The following LRRC7 variants were observed in gnomAD, a reference collection of about 807,000 sequenced individuals.
LRRC7 encodes the protein leucine rich repeat containing 7.
LRRC7 carries 23 observed loss-of-function variants against 175.7 expected under a neutral mutation model. The ratio of observed to expected loss-of-function variants is 0.13; its 90% CI spans 0.09 to 0.19. The LOEUF (loss-of-function observed/expected upper bound fraction) is 0.19. Ranked by LOEUF, LRRC7 falls within the 10% of genes least tolerant of loss-of-function variation. The pLI is 1.00. For missense variants in LRRC7, 1,354 were observed against 1,904.7 expected, an observed-to-expected ratio of 0.71 and a Z score of 5.38; for synonymous variants, 685 against 680.9, an observed-to-expected ratio of 1.01 and a Z score of -0.09.
At chr1:69,717,821 AGAAAG>A (rs1557640995) in intron 2 of LRRC7, among the ~76,000 whole-genome samples, 1 of 53,678 alleles carries the variant, frequency 1.9e-5, no homozygotes. Flanking sequence ...AAAGAAAGAA[AGAAAG>A]AAAGAAAGAA....
At chr1:69,608,436 A>C (rs1475581326) in intron 1 of LRRC7, 1 of 151,952 alleles carries the variant, frequency 6.6e-6, no homozygotes, top group Non-Finnish European at 1.5e-5. Flanking sequence ...GGGTATTTAG[A>C]ATTGTCTGCT....
chr1:69,916,076 AAT>A (rs373203657), intron 7 of LRRC7, among the ~76,000 whole-genome samples: 110 of 2,958 alleles, frequency 0.037, 2 homozygotes, highest in African/African-American at 0.08. Context: ...TTATATATAT[AAT>A]ATATATATTA....
chr1:69,697,983 A>G (rs947591781), intron 2 of LRRC7, among the ~76,000 whole-genome samples: 7 of 152,202 alleles, frequency 4.6e-5, no homozygotes, highest in Non-Finnish European at 1.0e-4. Context: ...TGAGCTTTGC[A>G]TCTGTGCTCA....
intron 1 of LRRC7, among the ~76,000 whole-genome samples, chr1:69,645,113 A>G (rs1654819528): frequency 6.6e-6 from 1 of 152,046 alleles, no homozygotes. Flanking sequence ...AGGTCTAGCC[A>G]TGGTAGTACA....
intron 2 of LRRC7, among the ~76,000 whole-genome samples, chr1:69,732,942 C>T (rs1227842432): frequency 6.6e-6 from 1 of 151,960 alleles, no homozygotes; most frequent in Non-Finnish European, 1.5e-5. Context: ...GATCCAGAGG[C>T]TCTGTGCCAG....
chr1:69,600,791 C>A (rs1410773319), intron 1 of LRRC7, among the ~76,000 whole-genome samples: 1 of 71,868 alleles, frequency 1.4e-5, no homozygotes. Flanking sequence ...CTCCAAGGAT[C>A]TCTGGTTTCT....
chr1:70,002,021 A>G (rs941143984), intron 11 of LRRC7, among the ~76,000 whole-genome samples: 6 of 152,134 alleles, frequency 3.9e-5, no homozygotes, highest in African/African-American at 1.4e-4. Flanking sequence ...TATATATGTG[A>G]TAGTTGTAAA....
intron 9 of LRRC7, among the ~76,000 whole-genome samples, chr1:69,982,730 TA>T (rs1371644378): frequency 6.6e-6 from 1 of 152,206 alleles, no homozygotes; most frequent in Non-Finnish European, 1.5e-5. Context: ...ACATTTATTT[TA>T]AACAAACTCC....
rs113390927 is a variant in LRRC7, at chr1:69,969,331, A to G, written c.712-11048A>G. ...TCTAAATGCTCCACTTAAAAGATAC[A>G]TAATTGTAGAATGGATAAGAATTCA... is the stretch of plus-strand genomic sequence containing the variant. On this transcript the variant is annotated intron_variant, in intron 8 of 26. Coordinates refer to ENST00000651989, the MANE Select transcript of LRRC7 (RefSeq NM_001370785.2). Among the ~76,000 whole-genome samples the G allele has an allele frequency of 1.4e-4, 22 of 152,350 alleles. 1 individual carries two copies. Among genetic ancestry groups the G allele is most frequent in the African/African-American group, 4.6e-4 (19 of 41,592 alleles).
intron 5 of LRRC7, among the ~76,000 whole-genome samples, chr1:69,834,143 G>T (rs1158304441): frequency 6.6e-6 from 1 of 151,602 alleles, no homozygotes; most frequent in Admixed American, 6.6e-5. Flanking sequence ...TTAATTTTTT[G>T]ATGCAGTTTA....
chr1:70,082,112 A>G (rs1013283120), intron 24 of LRRC7, among the ~76,000 whole-genome samples: 1 of 152,208 alleles, frequency 6.6e-6, no homozygotes, highest in Admixed American at 6.5e-5. Context: ...GCTCTGGTCA[A>G]CTGCCCAAAG....
intron 1 of LRRC7, among the ~76,000 whole-genome samples, chr1:69,605,857 A>G (rs1647466253): frequency 6.6e-6 from 1 of 152,114 alleles, no homozygotes; most frequent in African/African-American, 2.4e-5. Flanking sequence ...TGACTAGATT[A>G]TAGGGTTATT....
At chr1:70,112,136 T>C (rs1665565928) in intron 26 of LRRC7, among the ~76,000 whole-genome samples, 1 of 152,182 alleles carries the variant, frequency 6.6e-6, no homozygotes, top group Non-Finnish European at 1.5e-5. Context: ...AGAAAGAACC[T>C]TGGCCCAACA....
chr1:69,806,996 T>G (rs1007489203), intron 4 of LRRC7, among the ~76,000 whole-genome samples: 2 of 152,118 alleles, frequency 1.3e-5, no homozygotes, highest in African/African-American at 2.4e-5. Flanking sequence ...TGGGTGCATA[T>G]GTATTTAGGA....
At chr1:69,870,383 C>A (rs1238427426) in intron 7 of LRRC7, among the ~76,000 whole-genome samples, 2 of 151,824 alleles carry the variant, frequency 1.3e-5, no homozygotes, top group African/African-American at 2.4e-5. Flanking sequence ...CAAACCAGGT[C>A]CTTCATAGAA....
At chr1:69,635,177 G>A (rs1389712863) in intron 1 of LRRC7, among the ~76,000 whole-genome samples, 2 of 152,024 alleles carry the variant, frequency 1.3e-5, no homozygotes, top group Admixed American at 6.6e-5. Context: ...AACATGCAGT[G>A]TTTGGTTTTC....
chr1:70,053,326 G>T (rs1660887957), intron 23 of LRRC7, among the ~76,000 whole-genome samples, 181 bp downstream of exon 23: 1 of 152,134 alleles, frequency 6.6e-6, no homozygotes, highest in African/African-American at 2.4e-5. Flanking sequence ...AATAAACACT[G>T]CCAACTGTTC....
chr1:69,612,744 G>A (rs1037489483), intron 1 of LRRC7, among the ~76,000 whole-genome samples: 8 of 151,912 alleles, frequency 5.3e-5, no homozygotes, highest in East Asian at 3.9e-4. Flanking sequence ...TTTTGTAACC[G>A]TAACTGAAAC....
chr1:69,716,711 G>A lies in LRRC7; in HGVS notation c.100+38233G>A, dbSNP rs546296186. ...ATCAAATGAAATCCAGGCACAAAGC[G>A]GGAGCTTTGCATTTATCAGTATTTC... On this transcript the variant is annotated intron_variant, in intron 2 of 26. Coordinates refer to ENST00000651989, the MANE Select transcript of LRRC7 (RefSeq NM_001370785.2). 3.3e-5 allele frequency among the ~76,000 whole-genome samples: 5 copies of A among 151,840 alleles called. No individual in the cohort carries two copies. The East Asian group carries it at 5.8e-4, about 18-fold the overall frequency.
Sources: allele counts gnomAD v4.1 joint callset (sites outside exome capture counted in the v4.1 genomes callset), GRCh38; gene constraint gnomAD v4.1.1; transcripts MANE v1.5; gene names NCBI Gene and HGNC (gene_info 2026-07-23, HGNC 2026-07-21).